The following OSBPL1A variants were observed in gnomAD, a reference collection of about 807,000 sequenced individuals.
OSBPL1A encodes the protein oxysterol-binding protein-related protein 1.
OSBPL1A carries 80 observed loss-of-function variants against 137.1 expected under a neutral mutation model. The ratio of observed to expected loss-of-function variants is 0.58; its 90% CI spans 0.49 to 0.70. The LOEUF (loss-of-function observed/expected upper bound fraction) is 0.70, where lower values mean the gene tolerates loss of function less well. OSBPL1A is among the 30% of genes least tolerant of loss of function. The pLI, the probability that OSBPL1A is intolerant of heterozygous loss-of-function variation, is 0.00. For synonymous variants in OSBPL1A, 365 were observed against 389.7 expected (o/e 0.94, Z 0.75); for missense variants, 970 against 1,129.4 (o/e 0.86, Z 2.02).
At chr18:24,278,072 A>G (rs1224361401) in intron 15 of OSBPL1A, among the ~76,000 whole-genome samples, 1 of 152,204 alleles carries the variant, frequency 6.6e-6, no homozygotes, top group Non-Finnish European at 1.5e-5. Context: ...AACTTGTCCC[A>G]CAGTTGGAGA....
At chr18:24,364,175 T>C (rs1424218608) in intron 4 of OSBPL1A, among the ~76,000 whole-genome samples, 1 of 152,166 alleles carries the variant, frequency 6.6e-6, no homozygotes, top group Non-Finnish European at 1.5e-5. Flanking sequence ...TAAAACTTAA[T>C]GAGACAACCC....
At chr18:24,172,705 T>C (rs1317809980) in intron 21 of OSBPL1A, among the ~76,000 whole-genome samples, 1 of 152,212 alleles carries the variant, frequency 6.6e-6, no homozygotes, top group Non-Finnish European at 1.5e-5. Flanking sequence ...GAAAAAATTC[T>C]ATACTTCCAC....
chr18:24,185,321 C>T (rs970503237), intron 18 of OSBPL1A, among the ~76,000 whole-genome samples: 18 of 147,296 alleles, frequency 1.2e-4, no homozygotes, highest in Admixed American at 5.3e-4. Context: ...TTCACCAATT[C>T]TTTTTTCTTT....
intron 13 of OSBPL1A, among the ~76,000 whole-genome samples, chr18:24,305,421 T>C (rs2075522542): frequency 6.6e-6 from 1 of 152,206 alleles, no homozygotes; most frequent in African/African-American, 2.4e-5. Flanking sequence ...TTTTAAGTTG[T>C]GTACAAAGTA....
chr18:24,304,811 C>T (rs1436089808), intron 13 of OSBPL1A, among the ~76,000 whole-genome samples: 1 of 152,210 alleles, frequency 6.6e-6, no homozygotes, highest in Non-Finnish European at 1.5e-5. Context: ...CATGTTATCA[C>T]ATTAGTGACA....
chr18:24,265,757 T>C (rs971596865), intron 15 of OSBPL1A, among the ~76,000 whole-genome samples: 1 of 152,172 alleles, frequency 6.6e-6, no homozygotes, highest in African/African-American at 2.4e-5. Flanking sequence ...TGTGTAACAG[T>C]GTGTCCATGT....
intron 16 of OSBPL1A, among the ~76,000 whole-genome samples, chr18:24,232,993 T>C (rs960875150): frequency 1.3e-5 from 2 of 152,220 alleles, no homozygotes; most frequent in Non-Finnish European, 2.9e-5. Context: ...CAAAATAGCA[T>C]TAAGGGGAAC....
At chr18:24,380,768 A>G (rs1906519081) in intron 1 of OSBPL1A, among the ~76,000 whole-genome samples, 1 of 152,132 alleles carries the variant, frequency 6.6e-6, no homozygotes, top group East Asian at 1.9e-4. Context: ...TCTGATCAAC[A>G]TGGTGAAACC....
chr18:24,351,614 G>A (rs1270736114), intron 4 of OSBPL1A, among the ~76,000 whole-genome samples: 4 of 152,016 alleles, frequency 2.6e-5, no homozygotes, highest in African/African-American at 7.2e-5. Context: ...ATCTTGGCTC[G>A]CTGCAACCTC....
chr18:24,377,425 T>C lies in OSBPL1A; in HGVS notation c.109A>G (p.Ile37Val), dbSNP rs1906267089. The C allele has an allele frequency of 3.1e-6, 5 of 1,607,818 alleles. No homozygotes were observed. In the South Asian group the frequency reaches 4.5e-5, roughly 14 times the overall value. Residue 37 changes from isoleucine to valine, a missense_variant, in exon 2 of 28, where the codon ATT becomes GTT. Around this residue, in one of 2 missense-constraint regions of OSBPL1A, gnomAD observed 647 missense variants for 672.6 expected, o/e 0.96. Coordinates refer to ENST00000319481, the MANE Select transcript of OSBPL1A (RefSeq NM_080597.4). ...TMARNEVIAD[I>V]NCKGRSKSNL... Reference sequence around the variant, plus strand: ...ATTCAAAGTTTACCTTTGCAATTAATGTCAGCAATCACTTCATTCCTCGCC... The same window carrying C: ...ATTCAAAGTTTACCTTTGCAATTAACGTCAGCAATCACTTCATTCCTCGCC...
intron 14 of OSBPL1A, among the ~76,000 whole-genome samples, chr18:24,284,720 T>C (rs1055329988): frequency 2.0e-5 from 3 of 152,206 alleles, no homozygotes; most frequent in Non-Finnish European, 2.9e-5. Flanking sequence ...CTGGAAATGT[T>C]TGTTTACCTA....
At chr18:24,386,008 G>A (rs931799656) in intron 1 of OSBPL1A, among the ~76,000 whole-genome samples, 3 of 152,108 alleles carry the variant, frequency 2.0e-5, no homozygotes, top group Admixed American at 6.6e-5. Flanking sequence ...CAGGAAAGAC[G>A]GCAAGGATCA....
intron 7 of OSBPL1A, among the ~76,000 whole-genome samples, chr18:24,332,713 A>G (rs1288150546): frequency 6.6e-6 from 1 of 152,178 alleles, no homozygotes; most frequent in Non-Finnish European, 1.5e-5. Context: ...AACTTTATAG[A>G]ATACAGCTAC....
intron 1 of OSBPL1A, among the ~76,000 whole-genome samples, chr18:24,395,490 T>C (rs1907670049): frequency 6.6e-6 from 1 of 152,172 alleles, no homozygotes; most frequent in Non-Finnish European, 1.5e-5. Context: ...AAATTTGTAA[T>C]GTATTAATAT....
At chr18:24,385,498 C>T (rs1599739725) in intron 1 of OSBPL1A, among the ~76,000 whole-genome samples, 4 of 152,208 alleles carry the variant, frequency 2.6e-5, no homozygotes, top group East Asian at 3.9e-4. Context: ...AGAAAAGCAA[C>T]ATTTATTTAA....
At chr18:24,378,267 A>G (rs1906339442) in intron 1 of OSBPL1A, among the ~76,000 whole-genome samples, 1 of 152,244 alleles carries the variant, frequency 6.6e-6, no homozygotes, top group African/African-American at 2.4e-5. Context: ...CCATTGAATT[A>G]GCAAAAATAA....
intron 15 of OSBPL1A, among the ~76,000 whole-genome samples, chr18:24,269,073 G>T (rs1423287178): frequency 6.6e-6 from 1 of 152,130 alleles, no homozygotes; most frequent in Non-Finnish European, 1.5e-5. Context: ...TGTTTCTGAA[G>T]CATCTCTGCT....
At chr18:24,357,363 G>A (rs968684427) in intron 4 of OSBPL1A, 1 of 152,100 alleles carries the variant, frequency 6.6e-6, no homozygotes, top group Non-Finnish European at 1.5e-5. Context: ...AAAACGTAGG[G>A]AATCTGCATT....
intron 15 of OSBPL1A, among the ~76,000 whole-genome samples, chr18:24,277,684 G>A (rs2089874004): frequency 6.6e-6 from 1 of 152,150 alleles, no homozygotes; most frequent in South Asian, 2.1e-4. Context: ...AGATAAAAAA[G>A]GTATTACAGC....
Sources: gnomAD v4.1 joint callset for allele counts (sites outside exome capture counted in the v4.1 genomes callset) on GRCh38, gnomAD v4.1.1 for gene constraint, gnomAD v4.1.1 regional missense constraint, MANE v1.5 for transcripts, NCBI Gene and HGNC (gene_info 2026-07-23, HGNC 2026-07-21) for gene names.